RABEP2: variants seen among roughly 807,000 people sequenced by gnomAD.
RABEP2 encodes rabaptin, RAB GTPase binding effector protein 2.
A neutral mutation model predicts 74.1 loss-of-function variants in RABEP2; 57 were observed. The ratio of observed to expected loss-of-function variants is 0.77; its 90% CI spans 0.62 to 0.96. The LOEUF is 0.96. Among genes scored for constraint, RABEP2 ranks in the 40% least tolerant of loss-of-function variants. The probability of loss-of-function intolerance (pLI) is 0.00; values close to 1 mark genes in which losing one functional copy is unlikely to be tolerated. For missense variants in RABEP2, 692 were observed against 756.3 expected, an observed-to-expected ratio of 0.91 and a Z score of 1.00; for synonymous variants, 351 against 344.0, an observed-to-expected ratio of 1.02 and a Z score of -0.23.
intron 3 of RABEP2, among the ~76,000 whole-genome samples, chr16:28,918,584 C>T (rs549707575): frequency 6.6e-6 from 1 of 151,936 alleles, no homozygotes; most frequent in South Asian, 2.1e-4. Flanking sequence ...CACTGTACTC[C>T]AGCCTGGGTG....
Position 28,924,436 on chromosome 16 carries a change from C to G in RABEP2, c.241G>C (p.Glu81Gln). 1 of 1,613,666 alleles carries G rather than the reference C, an allele frequency of 6.2e-7. No homozygotes were observed. The highest frequency in any genetic ancestry group is 8.5e-7 in the Non-Finnish European group (1 of 1,180,010). ...ATGGCCTGCAGCGAGGCCACCTCCT[C>G]TTGGCACTGCCGCTGCACCGCAGCC... The part of the protein sequence containing the change: ...AVAAVQRQCQ[E>Q]EVASLQAILK... Residue 81 changes from glutamate (E) to glutamine (Q), a missense_variant, in exon 2 of 13, where the codon GAG becomes CAG. Glu to Gln is a conservative substitution (Grantham distance 29, BLOSUM62 2). Transcript: ENST00000358201.
chr16:28,915,779 A>G (rs1017424833), intron 3 of RABEP2, among the ~76,000 whole-genome samples: 2 of 150,546 alleles, frequency 1.3e-5, no homozygotes, highest in African/African-American at 2.4e-5. Context: ...TCCTGAAACC[A>G]CCCACCTCAG....
rs148769611 is a variant in RABEP2, at chr16:28,914,969, G to A, written c.433-187C>T. On this transcript the variant is annotated intron_variant, in intron 3 of 12. Transcript: ENST00000358201. ...TTCCACGACTTGCCCCAGGACATAA[G>A]GGCAAGGATGAAGGTCACGACTTCT... Among the ~76,000 whole-genome samples, 4 of 151,480 alleles carry A rather than the reference G, an allele frequency of 2.6e-5. No homozygotes were observed. In the East Asian group the frequency reaches 8.0e-4, roughly 30 times the overall value.
At chr16:28,915,556 T>C (rs941506933) in intron 3 of RABEP2, among the ~76,000 whole-genome samples, 1 of 152,140 alleles carries the variant, frequency 6.6e-6, no homozygotes, top group African/African-American at 2.4e-5. Flanking sequence ...TATTATTACA[T>C]TTTTTTGAGA....
At position 28,925,202 on chromosome 16, in the gene RABEP2, G is replaced by A; in HGVS notation, c.-39C>T. On this transcript the variant is annotated 5_prime_UTR_variant, in exon 1 of 13. Coordinates refer to ENST00000358201, the MANE Select transcript of RABEP2 (RefSeq NM_024816.3). ...ACGGCGGATTCCCGCACTCCCTGGT[G>A]ACGGAGCGCACCGCTTCCGGGTCCT... The A allele has an allele frequency of 6.6e-7, 1 of 1,515,568 alleles. No individual in the cohort carries two copies. The highest frequency in any genetic ancestry group is 8.8e-7 in the Non-Finnish European group (1 of 1,137,816). The allele number at this position is 1,515,568 out of a possible 1,614,324, so 93.9% of individuals were successfully genotyped here.
At chr16:28,905,807 T>C (rs775792951) in intron 10 of RABEP2, 48 bp from the exon 11 acceptor site, 1 of 1,613,910 alleles carries the variant, frequency 6.2e-7, no homozygotes. Context: ...CCCTCTCCCT[T>C]TCCCCACCTA....
chr16:28,908,986 TA>T (rs1422832679), intron 7 of RABEP2, among the ~76,000 whole-genome samples: 6 of 144,138 alleles, frequency 4.2e-5, no homozygotes, highest in African/African-American at 1.6e-4. Context: ...CCAAGCCAGA[TA>T]TTTTACTTGG....
intron 2 of RABEP2, 30 bp from the exon 3 acceptor site, chr16:28,919,973 G>T: frequency 1.9e-6 from 3 of 1,550,056 alleles, no homozygotes; most frequent in East Asian, 2.3e-5. Flanking sequence ...GTGGGAGAGA[G>T]GGAGGGTCAA....
intron 2 of RABEP2, among the ~76,000 whole-genome samples, chr16:28,920,162 C>G (rs1369977032): frequency 6.6e-6 from 1 of 151,920 alleles, no homozygotes; most frequent in African/African-American, 2.4e-5. Context: ...GATCATCCTT[C>G]TGGTGGCTAC....
intron 5 of RABEP2, 83 bp from the exon 6 acceptor site, chr16:28,911,262 G>A: frequency 7.7e-7 from 1 of 1,294,892 alleles, no homozygotes. Context: ...CCTCTGCAGG[G>A]AGGTGCCCTC....
At chr16:28,919,362 C>T (rs1391982511) in intron 3 of RABEP2, among the ~76,000 whole-genome samples, 7 of 152,138 alleles carry the variant, frequency 4.6e-5, no homozygotes, top group African/African-American at 1.7e-4. Context: ...GTTGGCCAGG[C>T]TGGTCTTGAA....
In RABEP2 at chr16:28,904,716, C is replaced by T. The variant is rs373994414; in HGVS notation, c.*227G>A. 1.3e-4 allele frequency: 85 copies of T among 640,826 alleles called. No homozygotes were observed. Among genetic ancestry groups the T allele is most frequent in the Admixed American group, 6.1e-5 (2 of 32,568 alleles). 39.7% of individuals were successfully genotyped at this position (640,826 alleles called of 1,614,324 possible). A position where few individuals can be genotyped will look rare whatever the true frequency, so the allele number is the denominator to read the frequency against. On this transcript the variant is annotated 3_prime_UTR_variant, in exon 13 of 13. Coordinates refer to ENST00000358201, the MANE Select transcript of RABEP2 (RefSeq NM_024816.3). ...AGGCCTGAGCCTGCACCTTTGGTTC[C>T]GGGAGGGGCTTGGGCCCCTCACCCA...
In RABEP2 at chr16:28,914,469, C is replaced by T. The variant is rs754086429; in HGVS notation, c.661G>A (p.Ala221Thr). 87 of 1,613,356 alleles carry T rather than the reference C, an allele frequency of 5.4e-5. 1 individual carries two copies. The East Asian group carries it at 1.7e-3, about 31-fold the overall frequency. ...TCGCAGTTGTGAGCGAAGGCCTCAG[C>T]GGCTGGACCCCCATCTCCGCTCAGC... The part of the protein sequence containing the change: ...EELSGDGGPA[A>T]EAFAHNCDDS... Residue 221 changes from alanine to threonine, a missense_variant, in exon 5 of 13, where the codon GCT becomes ACT. Ala to Thr is a moderately conservative substitution (Grantham distance 58, BLOSUM62 0). Transcript: ENST00000358201.
chr16:28,919,869 C>T lies in RABEP2; in HGVS notation c.349G>A (p.Glu117Lys), dbSNP rs1479310814. Residue 117 changes from glutamate (E) to lysine (K), a missense_variant, in exon 3 of 13, where the codon GAG becomes AAG. By Grantham distance (56) the Glu-to-Lys change is moderately conservative (BLOSUM62 1). Coordinates refer to ENST00000358201, the MANE Select transcript of RABEP2 (RefSeq NM_024816.3). Reference sequence around the variant, plus strand: ...AGGCGGCCCAGCTCCCGCTCCTTCTCCTCACAGTCCTGCTGCTGCTGCTGT... The same window carrying T: ...AGGCGGCCCAGCTCCCGCTCCTTCTTCTCACAGTCCTGCTGCTGCTGCTGT... Reference protein sequence around the residue: ...ERQQQQQDCEEKERELGRLKQ... With the variant: ...ERQQQQQDCEKKERELGRLKQ... The T allele has an allele frequency of 2.5e-6, 4 of 1,611,856 alleles. No homozygotes were observed. In the African/African-American group the frequency reaches 4.0e-5, roughly 16 times the overall value.
intron 2 of RABEP2, among the ~76,000 whole-genome samples, 172 bp from the exon 3 acceptor site, chr16:28,920,115 G>T (rs144362916): frequency 0.038 from 5,738 of 152,150 alleles, 170 homozygotes; most frequent in Middle Eastern, 0.065. Flanking sequence ...GCCTCTCTGT[G>T]CATCAGTGTC....
intron 2 of RABEP2, among the ~76,000 whole-genome samples, chr16:28,921,644 T>C (rs528319706): frequency 8.6e-4 from 110 of 128,096 alleles, no homozygotes; most frequent in African/African-American, 3.1e-3. Flanking sequence ...GGATAGAACA[T>C]AGATTTTTTT....
At chr16:28,909,022 T>C (rs1024290755) in intron 7 of RABEP2, among the ~76,000 whole-genome samples, 208 of 135,512 alleles carry the variant, frequency 1.5e-3, no homozygotes, top group African/African-American at 4.6e-3. Flanking sequence ...TATATATATA[T>C]ACACATACAC....
At position 28,905,863 on chromosome 16, in the gene RABEP2, T is replaced by A. The variant is rs778173355; in HGVS notation, c.1435+4A>T. 3.5e-5 allele frequency: 57 copies of A among 1,613,532 alleles called. No homozygotes were observed. The highest frequency in any genetic ancestry group is 2.0e-4 in the Admixed American group (12 of 60,002). On this transcript the variant is annotated splice_donor_region_variant and intron_variant, in intron 10 of 12. Transcript: ENST00000358201. ...CCCCAAGATCACCTCCAGCACACAC[T>A]CACCCTCCAGCACCTCTGTGGGAAG...
Position 28,905,400 on chromosome 16 carries a change from C to T in RABEP2, c.1605G>A (p.Leu535=), listed in dbSNP as rs1466554914. 1.9e-6 allele frequency: 3 copies of T among 1,604,530 alleles called. No individual in the cohort carries two copies. Among genetic ancestry groups the T allele is most frequent in the Non-Finnish European group, 2.6e-6 (3 of 1,176,174 alleles). The change falls in exon 12 of 13, where the codon CTG becomes CTA. Residue 535 remains leucine, a synonymous_variant. Transcript: ENST00000358201. ...GCGGGGCTGGGACAGGCCATACCTG[C>T]AGGGCCTGGGACAGTCGCACGAAAT... ...QRDFVRLSQA[L]QVRLERIRQA...
Sources: allele counts gnomAD v4.1 joint callset (sites outside exome capture counted in the v4.1 genomes callset), GRCh38; gene constraint gnomAD v4.1.1; transcripts MANE v1.5; gene names NCBI Gene and HGNC (gene_info 2026-07-23, HGNC 2026-07-21).